ARHGEF10: variants seen among roughly 807,000 people sequenced by gnomAD.
ARHGEF10 encodes the protein Rho guanine nucleotide exchange factor 10.
ARHGEF10 carries 140 observed loss-of-function variants against 147.4 expected under a neutral mutation model. The ratio of observed to expected loss-of-function variants is 0.95; its 90% CI spans 0.83 to 1.09. ARHGEF10 has a LOEUF of 1.09. Among genes scored for constraint, ARHGEF10 ranks in the 50% least tolerant of loss-of-function variants. The pLI, the probability that ARHGEF10 is intolerant of heterozygous loss-of-function variation, is 0.00. For missense variants in ARHGEF10, 2,222 were observed against 1,752.7 expected, an observed-to-expected ratio of 1.27 and a Z score of -4.78; for synonymous variants, 902 against 695.8, an observed-to-expected ratio of 1.30 and a Z score of -4.67.
chr8:1,917,888 C>T (rs1485877038), intron 18 of ARHGEF10, among the ~76,000 whole-genome samples: 1 of 151,962 alleles, frequency 6.6e-6, no homozygotes, highest in South Asian at 2.1e-4. Context: ...GATTCTCCTG[C>T]CTCAGCCTCT....
In ARHGEF10 at chr8:1,864,496, C is replaced by T. The variant is rs937978319; in HGVS notation, c.545+60C>T. The T allele has an allele frequency of 1.6e-5, 24 of 1,543,014 alleles. No homozygotes were observed. In the African/African-American group the frequency reaches 1.9e-4, roughly 12 times the overall value. Reference sequence around the variant, plus strand: ...CCCGCCTTTCTCCTGAGGAGCTGGACGTGGGGATCCTGGTGTGTGTCCCTG... The same window carrying T: ...CCCGCCTTTCTCCTGAGGAGCTGGATGTGGGGATCCTGGTGTGTGTCCCTG... On this transcript the variant is annotated intron_variant, in intron 5 of 28. Transcript: ENST00000349830.
chr8:1,892,332 A>C (rs1809607835), intron 11 of ARHGEF10, among the ~76,000 whole-genome samples: 1 of 98,982 alleles, frequency 1.0e-5, no homozygotes, highest in African/African-American at 5.3e-5. Context: ...TGTGTGTTTA[A>C]TCCCAGCGAT....
intron 6 of ARHGEF10, among the ~76,000 whole-genome samples, chr8:1,867,810 G>C (rs1176048211): frequency 1.3e-5 from 2 of 152,128 alleles, no homozygotes; most frequent in Non-Finnish European, 2.9e-5. Flanking sequence ...AACTTACAAG[G>C]TAGAACCATC....
At chr8:1,887,881 G>A (rs73180737) in intron 11 of ARHGEF10, among the ~76,000 whole-genome samples, 2,979 of 149,838 alleles carry the variant, frequency 0.02, 53 homozygotes, top group Non-Finnish European at 0.033. Flanking sequence ...GAGTCACCAA[G>A]TGCCGTGAGA....
At chr8:1,851,916 A>G (rs1454534128) in intron 2 of ARHGEF10, among the ~76,000 whole-genome samples, 1 of 150,308 alleles carries the variant, frequency 6.7e-6, no homozygotes, top group Non-Finnish European at 1.5e-5. Context: ...TCTGTCTCAA[A>G]AAAAAAAAAA....
rs1224950150 is a variant in ARHGEF10 at position 1,923,240 on chromosome 8, T to C, written c.2259+161T>C. 5 of 858,394 alleles carry C rather than the reference T, an allele frequency of 5.8e-6. No homozygotes were observed. In the African/African-American group the frequency reaches 6.8e-5, roughly 12 times the overall value. The allele number at this position is 858,394 out of a possible 1,614,324, so 53.2% of individuals were successfully genotyped here. A position where few individuals can be genotyped will look rare whatever the true frequency, so the allele number is the denominator to read the frequency against. ...TCTTACGTTAGATAAGGTGAGACTA[T>C]TTAATGGTAACTTTTCTTCATTTTG... On this transcript the variant is annotated intron_variant, in intron 19 of 28. Transcript: ENST00000349830.
intron 11 of ARHGEF10, among the ~76,000 whole-genome samples, chr8:1,888,332 CTG>C (rs1218600331): frequency 1.5e-4 from 7 of 46,550 alleles, no homozygotes; most frequent in Non-Finnish European, 2.5e-4. Context: ...GGGATGTTGA[CTG>C]TGAGGAGACA....
chr8:1,883,850 C>G (rs1435892173), intron 10 of ARHGEF10, among the ~76,000 whole-genome samples: 1 of 152,150 alleles, frequency 6.6e-6, no homozygotes, highest in Non-Finnish European at 1.5e-5. Flanking sequence ...TTCACTGCCT[C>G]AAGGAGTGTG....
At chr8:1,935,090 G>T (rs1813467970) in intron 26 of ARHGEF10, among the ~76,000 whole-genome samples, 1 of 152,124 alleles carries the variant, frequency 6.6e-6, no homozygotes, top group South Asian at 2.1e-4. Flanking sequence ...AACTAACATT[G>T]CCTATTAAAA....
At chr8:1,942,276 G>A (rs1357812390) in intron 26 of ARHGEF10, among the ~76,000 whole-genome samples, 1 of 150,306 alleles carries the variant, frequency 6.7e-6, no homozygotes, top group African/African-American at 2.5e-5. Context: ...AAAAAGAAAA[G>A]TAACGCTATT....
intron 28 of ARHGEF10, among the ~76,000 whole-genome samples, chr8:1,953,170 G>A (rs568241469): frequency 2.0e-5 from 3 of 146,794 alleles, no homozygotes; most frequent in African/African-American, 8.2e-5. Context: ...GAAGGAAGCC[G>A]GGATCTCCGT....
chr8:1,852,232 C>T (rs1805211456), intron 2 of ARHGEF10, among the ~76,000 whole-genome samples: 1 of 151,364 alleles, frequency 6.6e-6, no homozygotes, highest in Non-Finnish European at 1.5e-5. Context: ...CTGGAGAGGA[C>T]CGGGGAGCAG....
chr8:1,898,575 G>T (rs776199652), intron 15 of ARHGEF10, 50 bp downstream of exon 15: 1 of 1,566,576 alleles, frequency 6.4e-7, no homozygotes, highest in Admixed American at 1.7e-5. Context: ...GCTCGCCCAT[G>T]ACTCATTTGA....
chr8:1,851,128 C>G (rs1805105528), intron 2 of ARHGEF10, among the ~76,000 whole-genome samples: 1 of 151,926 alleles, frequency 6.6e-6, no homozygotes, highest in Admixed American at 6.6e-5. Context: ...CTGTCCAAAC[C>G]CATAGAAGGC....
At chr8:1,859,524 G>A (rs1468213260) in intron 3 of ARHGEF10, among the ~76,000 whole-genome samples, 5 of 152,086 alleles carry the variant, frequency 3.3e-5, no homozygotes, top group East Asian at 3.9e-4. Flanking sequence ...TCAGCCTCTC[G>A]GTTGTTTGCA....
Position 1,835,643 on chromosome 8 carries a change from G to T in ARHGEF10, c.-47-7710G>T, listed in dbSNP as rs554684521. On this transcript the variant is annotated intron_variant, in intron 1 of 28. Coordinates refer to ENST00000349830, the MANE Select transcript of ARHGEF10 (RefSeq NM_014629.4). ...TCCTTCCCACCCTGCTGCTGGATGGGCTCCCCTGACCTCCTTTTGCAGGCC... is the reference window on the plus strand; with the variant it reads ...TCCTTCCCACCCTGCTGCTGGATGGTCTCCCCTGACCTCCTTTTGCAGGCC... Among the ~76,000 whole-genome samples, 4 of 152,304 alleles carry T rather than the reference G, an allele frequency of 2.6e-5. No individual in the cohort carries two copies. The East Asian group carries it at 7.7e-4, about 29-fold the overall frequency.
chr8:1,879,934 A>C (rs1361608680), intron 8 of ARHGEF10, 114 bp from the exon 9 acceptor site: 5 of 804,750 alleles, frequency 6.2e-6, no homozygotes, highest in Non-Finnish European at 1.1e-5. Context: ...GCCCCCAGCC[A>C]GGACAGGCCT....
chr8:1,829,657 G>A (rs1365744226), intron 1 of ARHGEF10, among the ~76,000 whole-genome samples: 1 of 152,204 alleles, frequency 6.6e-6, no homozygotes. Flanking sequence ...GCAGGGCTGA[G>A]GAGAATTCCT....
chr8:1,882,540 C>G (rs1808292191), intron 9 of ARHGEF10, 95 bp from the exon 10 acceptor site: 8 of 1,053,854 alleles, frequency 7.6e-6, no homozygotes, highest in South Asian at 2.7e-5. Context: ...TCACAAGAAC[C>G]AGACTACTTG....
Sources: gnomAD v4.1 joint callset for allele counts (sites outside exome capture counted in the v4.1 genomes callset) on GRCh38, gnomAD v4.1.1 for gene constraint, MANE v1.5 for transcripts, NCBI Gene and HGNC (gene_info 2026-07-23, HGNC 2026-07-21) for gene names.